The following TANC2 variants were observed in gnomAD, a reference collection of about 807,000 sequenced individuals.
TANC2 encodes protein TANC2.
Under a neutral mutation model 210.5 loss-of-function variants are expected in TANC2, and 26 were observed. That is an observed-to-expected ratio of 0.12 (90% CI 0.09 to 0.17). The LOEUF (loss-of-function observed/expected upper bound fraction) is 0.17, where lower values mean the gene tolerates loss of function less well. Among genes scored for constraint, TANC2 ranks in the 10% least tolerant of loss-of-function variants. TANC2 has a pLI of 1.00. For missense variants in TANC2, 2,129 were observed against 2,608.9 expected (o/e 0.82, Z 4.01); for synonymous variants, 931 against 967.1 (o/e 0.96, Z 0.69).
At chr17:63,413,730 G>C in intron 25 of TANC2, 96 bp downstream of exon 25, 9 of 1,155,642 alleles carry the variant, frequency 7.8e-6, no homozygotes, top group Non-Finnish European at 9.9e-6. Flanking sequence ...CATCCTTTGC[G>C]TAGAGGCAAA....
chr17:63,334,449 TAAATCAATA>T lies in TANC2; in HGVS notation c.1576-5650_1576-5642del, dbSNP rs148365092. Among the ~76,000 whole-genome samples the T allele has an allele frequency of 7.3e-3, 1,119 of 152,264 alleles. 12 individuals are homozygous for T. Among genetic ancestry groups the T allele is most frequent in the African/African-American group, 0.024 (1,017 of 41,560 alleles). ...TAGGATAAAATAAGCCCATACTTATTAAATCAATAATAAATAAATAAATGGGAGATAAGG... is the reference window on the plus strand; with the variant it reads ...TAGGATAAAATAAGCCCATACTTATTATAAATAAATAAATGGGAGATAAGG... On this transcript the variant is annotated intron_variant, in intron 11 of 27. Coordinates refer to ENST00000689528, the Ensembl canonical transcript of TANC2.
intron 6 of TANC2, among the ~76,000 whole-genome samples, chr17:63,199,714 A>G (rs757982223): frequency 4.6e-5 from 7 of 152,224 alleles, no homozygotes; most frequent in Non-Finnish European, 7.3e-5. Context: ...GAGTTGAAGA[A>G]AAGTGAATTG....
rs570203492 is a variant in TANC2 at position 63,311,985 on chromosome 17, G to C, written c.1160-2403G>C. Among the ~76,000 whole-genome samples the C allele has an allele frequency of 2.0e-5, 3 of 152,296 alleles. No individual in the cohort carries two copies. The South Asian group carries it at 6.2e-4, about 32-fold the overall frequency. Reference sequence around the variant, plus strand: ...ATAGATACAGGATTTCTTTGGGGGTGATGAAGGTATTCGGGAATAGATAGC... The same window carrying C: ...ATAGATACAGGATTTCTTTGGGGGTCATGAAGGTATTCGGGAATAGATAGC... On this transcript the variant is annotated intron_variant, in intron 9 of 27. Coordinates refer to ENST00000689528, the Ensembl canonical transcript of TANC2.
intron 14 of TANC2, among the ~76,000 whole-genome samples, chr17:63,377,360 G>C (rs553670924): frequency 6.6e-6 from 1 of 152,076 alleles, no homozygotes; most frequent in Non-Finnish European, 1.5e-5. Context: ...TTTATGCTCT[G>C]TTACCTCTTG....
chr17:63,369,784 G>A (rs8078220), intron 14 of TANC2, among the ~76,000 whole-genome samples: 37,733 of 151,712 alleles, frequency 0.25, 4,825 homozygotes, highest in South Asian at 0.3. Context: ...TGTATTTTTA[G>A]TAGAGACGGG....
At chr17:63,364,508 T>C (rs1045083790) in intron 14 of TANC2, among the ~76,000 whole-genome samples, 4 of 152,214 alleles carry the variant, frequency 2.6e-5, no homozygotes, top group African/African-American at 4.8e-5. Flanking sequence ...ATAGTTCTGC[T>C]TGTGATAAGT....
intron 3 of TANC2, among the ~76,000 whole-genome samples, chr17:63,097,554 A>G (rs1347949694): frequency 2.0e-5 from 3 of 151,284 alleles, no homozygotes; most frequent in Admixed American, 6.6e-5. Flanking sequence ...CAGTAACGAT[A>G]GCTGATAAGC....
intron 5 of TANC2, among the ~76,000 whole-genome samples, chr17:63,176,469 C>T (rs1270259439): frequency 1.3e-5 from 2 of 152,110 alleles, no homozygotes; most frequent in Non-Finnish European, 2.9e-5. Context: ...TATTTAATTA[C>T]TTATATAAGC....
chr17:63,108,255 A>G (rs978761847), intron 4 of TANC2, among the ~76,000 whole-genome samples: 5 of 151,804 alleles, frequency 3.3e-5, no homozygotes, highest in Admixed American at 2.6e-4. Context: ...TTAACTCATT[A>G]TATTTCAGAA....
At chr17:63,009,431 T>C (rs959867336) in intron 1 of TANC2, 106 bp from the exon 2 acceptor site, 1 of 688,742 alleles carries the variant, frequency 1.5e-6, no homozygotes, top group African/African-American at 1.8e-5. Flanking sequence ...AGTCCAGTTG[T>C]ACCCTTTAAG....
chr17:63,408,196 C>CA (rs1252385496), intron 21 of TANC2, among the ~76,000 whole-genome samples: 23 of 151,920 alleles, frequency 1.5e-4, no homozygotes, highest in Non-Finnish European at 3.4e-4. Flanking sequence ...CAGCATAGAA[C>CA]AAAAAAGGGC....
chr17:63,358,301 G>A (rs140101655), intron 14 of TANC2, among the ~76,000 whole-genome samples: 2 of 151,518 alleles, frequency 1.3e-5, no homozygotes, highest in East Asian at 3.9e-4. Context: ...TTACATAGAT[G>A]TATCGTTGTC....
At chr17:63,249,211 G>A (rs2042992665) in intron 8 of TANC2, among the ~76,000 whole-genome samples, 1 of 152,130 alleles carries the variant, frequency 6.6e-6, no homozygotes, top group Admixed American at 6.6e-5. Flanking sequence ...TTCTGGAGTA[G>A]CTCAGTTTTC....
At chr17:63,294,944 T>C (rs914598795) in intron 9 of TANC2, among the ~76,000 whole-genome samples, 1 of 152,230 alleles carries the variant, frequency 6.6e-6, no homozygotes, top group Non-Finnish European at 1.5e-5. Context: ...CAGTGGTTTC[T>C]GCCTTAGAAA....
intron 14 of TANC2, among the ~76,000 whole-genome samples, chr17:63,369,935 T>C (rs936320849): frequency 2.0e-5 from 3 of 151,722 alleles, no homozygotes; most frequent in African/African-American, 7.3e-5. Context: ...CATCCTTACC[T>C]TCCCTACACA....
In TANC2 at chr17:63,411,829, T is replaced by C. The variant is rs991893588; in HGVS notation, c.3765+143T>C. On this transcript the variant is annotated intron_variant, in intron 22 of 27. Transcript: ENST00000689528. Reference sequence around the variant, plus strand: ...CTATACTTGCTAGAGAGCAAGAATATTCAAAATGCTGTTAAAGATCAAGGA... The same window carrying C: ...CTATACTTGCTAGAGAGCAAGAATACTCAAAATGCTGTTAAAGATCAAGGA... 7 of 1,397,528 alleles carry C rather than the reference T, an allele frequency of 5.0e-6. No individual in the cohort carries two copies. In the African/African-American group the frequency reaches 1.0e-4, roughly 20 times the overall value. The allele number at this position is 1,397,528 out of a possible 1,614,324, so 86.6% of individuals were successfully genotyped here.
chr17:63,395,568 G>T (rs2048128409), intron 17 of TANC2, among the ~76,000 whole-genome samples, 175 bp from the exon 18 acceptor site: 1 of 152,162 alleles, frequency 6.6e-6, no homozygotes, highest in African/African-American at 2.4e-5. Context: ...TAGCATAGTT[G>T]TAGCTCAGTA....
intron 1 of TANC2, among the ~76,000 whole-genome samples, chr17:62,994,177 A>ATT (rs776984823): frequency 6.9e-6 from 1 of 144,560 alleles, no homozygotes. Context: ...GGTAAGTAGA[A>ATT]TTTTTTTTTT....
intron 12 of TANC2, among the ~76,000 whole-genome samples, chr17:63,346,848 G>A (rs2046427667): frequency 6.6e-6 from 1 of 151,972 alleles, no homozygotes; most frequent in African/African-American, 2.4e-5. Flanking sequence ...GGGGGCTACA[G>A]GCATACACCA....
Sources: gnomAD v4.1 joint callset for allele counts (sites outside exome capture counted in the v4.1 genomes callset) on GRCh38, gnomAD v4.1.1 for gene constraint, MANE v1.5 for transcripts, NCBI Gene and HGNC (gene_info 2026-07-23, HGNC 2026-07-21) for gene names.